Variants in TRPM1 observed in about 807,000 individuals in gnomAD.
TRPM1 encodes the protein TRPM1-203 APA Isoform, Intron 10.
TRPM1 carries 113 observed loss-of-function variants against 149.4 expected under a neutral mutation model. That is an observed-to-expected ratio of 0.76 (90% CI 0.65 to 0.88). The LOEUF (loss-of-function observed/expected upper bound fraction) is 0.88. Ranked by LOEUF, TRPM1 falls within the 40% of genes least tolerant of loss-of-function variation. The pLI is 0.00. For synonymous variants in TRPM1, 741 were observed against 759.5 expected, an observed-to-expected ratio of 0.98 and a Z score of 0.40; for missense variants, 1,976 against 2,038.7, an observed-to-expected ratio of 0.97 and a Z score of 0.59.
chr15:31,129,196 G>T (rs2035987674), intron 1 of TRPM1, among the ~76,000 whole-genome samples: 1 of 152,230 alleles, frequency 6.6e-6, no homozygotes, highest in Non-Finnish European at 1.5e-5. Context: ...GAGCTGGGCA[G>T]GTCCCTTGTC....
chr15:31,089,124 A>T (rs193019623), intron 1 of TRPM1, among the ~76,000 whole-genome samples: 1 of 152,336 alleles, frequency 6.6e-6, no homozygotes. Flanking sequence ...TGATGAATAC[A>T]GTGTGGAAAC....
At position 31,002,596 on chromosome 15, in the gene TRPM1, T is replaced by G. The variant is rs2031823802; in HGVS notation, c.4104A>C (p.Leu1368Phe). Reference sequence around the variant, plus strand: ...CTAATTTTGACTCTTCAGCGTTCTTTAAGTCATCTACTGCAAGGTGACTGC... The same window carrying G: ...CTAATTTTGACTCTTCAGCGTTCTTGAAGTCATCTACTGCAAGGTGACTGC... Reference protein sequence around the residue: ...PDGSHLAVDDLKNAEESKLGP... With the variant: ...PDGSHLAVDDFKNAEESKLGP... Residue 1368 changes from leucine (L) to phenylalanine (F), a missense_variant, in exon 28 of 28, where the codon TTA (leucine) becomes TTC (phenylalanine). Physicochemically the swap from Leu to Phe is conservative, Grantham distance 22. Transcript: ENST00000256552. 6.2e-7 allele frequency: 1 copy of G among 1,614,092 alleles called. No homozygotes were observed. Among genetic ancestry groups the G allele is most frequent in the Non-Finnish European group, 8.5e-7 (1 of 1,180,048 alleles).
intron 16 of TRPM1, among the ~76,000 whole-genome samples, chr15:31,043,018 A>C (rs1260912339): frequency 3.9e-5 from 6 of 152,216 alleles, no homozygotes; most frequent in Admixed American, 3.9e-4. Flanking sequence ...TATTCTTACA[A>C]GGACTCTGAG....
At chr15:31,087,231 ATTTTT>A (rs58872566) in intron 1 of TRPM1, among the ~76,000 whole-genome samples, 733 of 59,310 alleles carry the variant, frequency 0.012, no homozygotes, top group African/African-American at 0.019. Flanking sequence ...CTCAATAGGG[ATTTTT>A]TTTTTTTTTT....
At chr15:31,104,681 C>T (rs2035575977), upstream of TRPM1, among the ~76,000 whole-genome samples, 1 of 150,692 alleles carries the variant, frequency 6.6e-6, no homozygotes, top group Admixed American at 6.6e-5. Flanking sequence ...GCAAGCTCCG[C>T]CTCCCAGGTT....
chr15:31,038,667 G>A (rs1261053684), intron 18 of TRPM1, among the ~76,000 whole-genome samples: 1 of 152,108 alleles, frequency 6.6e-6, no homozygotes, highest in Non-Finnish European at 1.5e-5. Context: ...AGGCGAGATC[G>A]CGCCACTGCA....
intron 1 of TRPM1, among the ~76,000 whole-genome samples, chr15:31,090,099 C>T (rs768431008): frequency 1.3e-5 from 2 of 152,186 alleles, no homozygotes; most frequent in Non-Finnish European, 2.9e-5. Flanking sequence ...GCAACCCTAG[C>T]CCCTAGCAGT....
In TRPM1 at chr15:31,082,577, T is replaced by C. The variant is rs1046907835; in HGVS notation, c.-83-1139A>G. Among the ~76,000 whole-genome samples the C allele has an allele frequency of 5.3e-5, 8 of 152,286 alleles. No homozygotes were observed. The East Asian group carries it at 1.5e-3, about 29-fold the overall frequency. The stretch of plus-strand genomic sequence containing the variant: ...GACTGCCCTGCTGAGGACCCAGCGA[T>C]TTTTCATCTGTAGCCAGGACCATGT... On this transcript the variant is annotated intron_variant, in intron 1 of 27. Transcript: ENST00000256552.
intron 1 of TRPM1, among the ~76,000 whole-genome samples, chr15:31,113,647 A>C (rs956613339): frequency 1.3e-5 from 2 of 152,116 alleles, no homozygotes; most frequent in African/African-American, 4.8e-5. Flanking sequence ...TTATTTTATC[A>C]ACTAGTTTTT....
At chr15:31,138,861 C>G (rs941298280) in intron 1 of TRPM1, among the ~76,000 whole-genome samples, 4 of 151,942 alleles carry the variant, frequency 2.6e-5, no homozygotes, top group African/African-American at 9.7e-5. Context: ...GGGCGCTTCC[C>G]TTTCTATATG....
At chr15:31,105,458 TGTGTGTGTGTGTGTGCGCGC>T (rs1465932218), upstream of TRPM1, among the ~76,000 whole-genome samples, 1 of 86,588 alleles carries the variant, frequency 1.2e-5, no homozygotes, top group Non-Finnish European at 2.4e-5. Flanking sequence ...TGTGTGTGTG[TGTGTGTGTGTGTGTGCGCGC>T]GCGCGCGCGT....
chr15:31,140,674 C>G (rs779344697), intron 1 of TRPM1, among the ~76,000 whole-genome samples: 1 of 152,226 alleles, frequency 6.6e-6, no homozygotes, highest in Non-Finnish European at 1.5e-5. Context: ...CTGAAGCCCT[C>G]ACCAGAAGCA....
At position 31,040,329 on chromosome 15, in the gene TRPM1, G is replaced by A; in HGVS notation, c.2105C>T (p.Ala702Val). ...ATAGGACTGGTCTAATAACTCCAAAGCAAGCTGGCCGAAGTCTCTGGGGGG... is the reference window on the plus strand; with the variant it reads ...ATAGGACTGGTCTAATAACTCCAAAACAAGCTGGCCGAAGTCTCTGGGGGG... The part of the protein sequence containing the change: ...DNNSKDFGQL[A>V]LELLDQSYKH... Residue 702 changes from alanine (A) to valine (V), a missense_variant, in exon 18 of 28, where the codon GCT becomes GTT. Physicochemically the swap from Ala to Val is moderately conservative, Grantham distance 64. Coordinates refer to ENST00000256552, the MANE Select transcript of TRPM1 (RefSeq NM_001252024.2). This position sits in a 1 kb window ranked among gnomAD's most constrained non-coding sequence, Gnocchi z 4.2. The A allele has an allele frequency of 1.2e-6, 2 of 1,614,224 alleles. No individual in the cohort carries two copies. Among genetic ancestry groups the A allele is most frequent in the Non-Finnish European group, 1.7e-6 (2 of 1,180,046 alleles).
chr15:31,073,914 T>A (rs1393186009), intron 3 of TRPM1, among the ~76,000 whole-genome samples: 3 of 151,962 alleles, frequency 2.0e-5, no homozygotes, highest in Non-Finnish European at 4.4e-5. Context: ...TTATAAAGAG[T>A]GTTGAGTTTT....
intron 1 of TRPM1, among the ~76,000 whole-genome samples, chr15:31,156,930 A>T (rs1001240685): frequency 7.5e-5 from 11 of 147,538 alleles, no homozygotes; most frequent in African/African-American, 1.5e-4. Flanking sequence ...ACTTACATTT[A>T]TTTTTTTTTT....
rs747267627 is a variant in TRPM1, at chr15:31,062,633, T to C, written c.1035A>G (p.Ala345=). 3 of 1,614,020 alleles carry C rather than the reference T, an allele frequency of 1.9e-6. No homozygotes were observed. In the Admixed American group the frequency reaches 5.0e-5, roughly 27 times the overall value. Residue 345 remains alanine, a synonymous_variant, in exon 9 of 28, where the codon GCA becomes GCG. Coordinates refer to ENST00000256552, the MANE Select transcript of TRPM1 (RefSeq NM_001252024.2). ...TIQKTFNYNK[A]QSHQLFAIIM... The stretch of plus-strand genomic sequence containing the variant: ...TAATTGCAAACAGCTGATGTGATTG[T>C]GCCTTATTATAATTAAATGTTTTCT...
intron 1 of TRPM1, among the ~76,000 whole-genome samples, chr15:31,119,346 A>G (rs1033727210): frequency 6.6e-6 from 1 of 152,168 alleles, no homozygotes; most frequent in Non-Finnish European, 1.5e-5. Flanking sequence ...CAAGAAGAAA[A>G]TGAGAAGAAA....
intron 10 of TRPM1, 77 bp from the exon 11 acceptor site, chr15:31,060,721 G>C: frequency 8.6e-7 from 1 of 1,166,532 alleles, no homozygotes; most frequent in Non-Finnish European, 1.3e-6. Context: ...TGGGTGGTGA[G>C]CACAGGCTTC....
intron 7 of TRPM1, among the ~76,000 whole-genome samples, chr15:31,063,565 A>G (rs2140957511): frequency 6.6e-6 from 1 of 152,076 alleles, no homozygotes; most frequent in Middle Eastern, 3.4e-3. Flanking sequence ...AGCTCAGGCA[A>G]TCCTCCCACC....
Sources: gnomAD v4.1 joint callset for allele counts (sites outside exome capture counted in the v4.1 genomes callset) on GRCh38, gnomAD v4.1.1 for gene constraint, Gnocchi (gnomAD v3.1) non-coding constraint, MANE v1.5 for transcripts, NCBI Gene and HGNC (gene_info 2026-07-23, HGNC 2026-07-21) for gene names.